Variants in RFX3 observed in about 807,000 individuals in gnomAD.
RFX3 encodes the protein regulatory factor X3, also known as transcription factor RFX3.
In RFX3, 14 loss-of-function variants were observed where a neutral mutation model predicts 98.6. The ratio of observed to expected loss-of-function variants is 0.14; its 90% CI spans 0.09 to 0.22. The LOEUF is 0.22. RFX3 is among the 10% of genes least tolerant of loss of function. The pLI, the probability that RFX3 is intolerant of heterozygous loss-of-function variation, is 1.00. For synonymous variants in RFX3, 383 were observed against 328.4 expected, an observed-to-expected ratio of 1.17 and a Z score of -1.80; for missense variants, 639 against 926.9, an observed-to-expected ratio of 0.69 and a Z score of 4.03.
At chr9:3,518,140 G>C (rs1246609871) in intron 1 of RFX3, among the ~76,000 whole-genome samples, 1 of 152,138 alleles carries the variant, frequency 6.6e-6, no homozygotes, top group Admixed American at 6.5e-5. Context: ...GCGTGTAGCA[G>C]GCTATACCAT....
At chr9:3,350,023 A>T (rs10971494) in intron 2 of RFX3, among the ~76,000 whole-genome samples, 9,979 of 152,134 alleles carry the variant, frequency 0.066, 521 homozygotes, top group African/African-American at 0.14. Context: ...TAATCCTATT[A>T]AAAAAATGTG....
intron 11 of RFX3, among the ~76,000 whole-genome samples, chr9:3,267,584 C>T (rs577299): frequency 0.96 from 145,776 of 151,960 alleles, 70,213 homozygotes; most frequent in Middle Eastern, 1. Context: ...GAGATTGGAA[C>T]GGGCTAAATT....
chr9:3,411,257 C>G (rs2132173042), intron 1 of RFX3, among the ~76,000 whole-genome samples: 1 of 152,242 alleles, frequency 6.6e-6, no homozygotes, highest in East Asian at 1.9e-4. Context: ...TCAATTAAGA[C>G]AGCAATGGAA....
chr9:3,270,502 C>T lies in RFX3; in HGVS notation c.1226G>A (p.Arg409Gln), dbSNP rs1313206185. The stretch of plus-strand genomic sequence containing the variant: ...AGTTATCAGCTTTGCTTTCGGAAGT[C>T]GACTTTCTATTTCACTCAGATTGCT... Reference protein sequence around the residue: ...ESSNLSEIESRLPKAKLITLC... With the variant: ...ESSNLSEIESQLPKAKLITLC... The change falls in exon 11 of 17, where the codon CGA (arginine) becomes CAA (glutamine). Residue 409 changes from arginine to glutamine, a missense_variant. By Grantham distance (43) the Arg-to-Gln change is conservative. Coordinates refer to ENST00000617270, the MANE Select transcript of RFX3 (RefSeq NM_001282116.2). 3 of 1,613,018 alleles carry T rather than the reference C, an allele frequency of 1.9e-6. No homozygotes were observed. Among genetic ancestry groups the T allele is most frequent in the Non-Finnish European group, 2.5e-6 (3 of 1,179,568 alleles).
intron 2 of RFX3, among the ~76,000 whole-genome samples, chr9:3,354,662 A>C (rs1432453905): frequency 6.6e-6 from 1 of 151,888 alleles, no homozygotes; most frequent in East Asian, 1.9e-4. Context: ...CTGACAAACA[A>C]AAATACTTCT....
chr9:3,271,800 C>G (rs1306536043), intron 9 of RFX3, among the ~76,000 whole-genome samples: 1 of 152,150 alleles, frequency 6.6e-6, no homozygotes, highest in Non-Finnish European at 1.5e-5. Flanking sequence ...ACCACAGGTT[C>G]CACTGTGTTC....
intron 2 of RFX3, among the ~76,000 whole-genome samples, chr9:3,357,766 G>T (rs1835948978): frequency 6.6e-6 from 1 of 152,008 alleles, no homozygotes; most frequent in Non-Finnish European, 1.5e-5. Context: ...ACCAAGAAAA[G>T]ATACATGTTT....
At chr9:3,345,025 G>C (rs1165906785) in intron 3 of RFX3, 1 of 569,392 alleles carries the variant, frequency 1.8e-6, no homozygotes, top group Non-Finnish European at 3.1e-6. Flanking sequence ...AAAATGCCAA[G>C]TTCGCATTCA....
intron 1 of RFX3, among the ~76,000 whole-genome samples, chr9:3,496,577 A>G (rs1720789573): frequency 6.6e-6 from 1 of 151,988 alleles, no homozygotes; most frequent in African/African-American, 2.4e-5. Context: ...CCACAGTTCA[A>G]CTACTAATTC....
At chr9:3,351,132 T>C (rs1251054829) in intron 2 of RFX3, among the ~76,000 whole-genome samples, 1 of 152,056 alleles carries the variant, frequency 6.6e-6, no homozygotes, top group East Asian at 1.9e-4. Context: ...TCATCAGTTA[T>C]AACAAATGTA....
chr9:3,330,675 C>T (rs559829008), intron 3 of RFX3, among the ~76,000 whole-genome samples, 158 bp from the exon 4 acceptor site: 3 of 152,026 alleles, frequency 2.0e-5, no homozygotes, highest in Non-Finnish European at 2.9e-5. Context: ...AGAAACAGTT[C>T]GATTTACTTT....
rs1218213605 is a variant in RFX3 at position 3,220,654 on chromosome 9, A to C, written c.*4388T>G. The C allele has an allele frequency of 6.6e-6, 1 of 152,078 alleles. No individual in the cohort carries two copies. Among genetic ancestry groups the C allele is most frequent in the Non-Finnish European group, 1.5e-5 (1 of 68,006 alleles). The allele number at this position is 152,078 out of a possible 1,614,324, so 9.4% of individuals were successfully genotyped here. A position where few individuals can be genotyped will look rare whatever the true frequency, so the allele number is the denominator to read the frequency against. On this transcript the variant is annotated 3_prime_UTR_variant, in exon 17 of 17. Coordinates refer to ENST00000617270, the MANE Select transcript of RFX3 (RefSeq NM_001282116.2). ...TCTTCCTACCCCCCCCTTTAAAAAA[A>C]CAGCATAATTAGACATTTGGATATA...
chr9:3,293,718 A>G (rs1315815736), intron 5 of RFX3, among the ~76,000 whole-genome samples: 1 of 152,178 alleles, frequency 6.6e-6, no homozygotes, highest in Non-Finnish European at 1.5e-5. Flanking sequence ...GAGTGTTTAT[A>G]TTAAAGTTAC....
intron 2 of RFX3, among the ~76,000 whole-genome samples, chr9:3,371,554 G>A (rs1837861061): frequency 6.6e-6 from 1 of 152,046 alleles, no homozygotes; most frequent in Non-Finnish European, 1.5e-5. Context: ...AGTTTTACAT[G>A]TGGCCAGAAA....
At chr9:3,417,425 T>C (rs1258874593) in intron 1 of RFX3, among the ~76,000 whole-genome samples, 1 of 152,036 alleles carries the variant, frequency 6.6e-6, no homozygotes, top group African/African-American at 2.4e-5. Context: ...CCATACCTGA[T>C]CACAAACAAA....
chr9:3,274,180 G>A (rs1291079076), intron 9 of RFX3, among the ~76,000 whole-genome samples: 1 of 152,126 alleles, frequency 6.6e-6, no homozygotes, highest in Non-Finnish European at 1.5e-5. Context: ...CCTGCCCTTG[G>A]TGGTTAATAA....
intron 1 of RFX3, among the ~76,000 whole-genome samples, chr9:3,441,161 T>C (rs1413712169): frequency 6.6e-6 from 1 of 152,194 alleles, no homozygotes; most frequent in African/African-American, 2.4e-5. Context: ...AAATGGATGA[T>C]GGAAGCCATG....
At chr9:3,480,549 C>G (rs1001545377) in intron 1 of RFX3, among the ~76,000 whole-genome samples, 3 of 152,110 alleles carry the variant, frequency 2.0e-5, no homozygotes, top group Non-Finnish European at 2.9e-5. Context: ...AACATTCAGG[C>G]CAATGTTCAG....
chr9:3,459,925 T>C (rs143310570), intron 1 of RFX3, among the ~76,000 whole-genome samples: 44 of 152,130 alleles, frequency 2.9e-4, no homozygotes, highest in Admixed American at 1.0e-3. Context: ...ATGGTGAGAG[T>C]ATGGGTGTAG....
Sources: gnomAD v4.1 joint callset for allele counts (sites outside exome capture counted in the v4.1 genomes callset) on GRCh38, gnomAD v4.1.1 for gene constraint, MANE v1.5 for transcripts, NCBI Gene and HGNC (gene_info 2026-07-23, HGNC 2026-07-21) for gene names.